Variants in TMEM163 observed in about 807,000 individuals in gnomAD.
TMEM163 encodes transmembrane protein 163.
Under a neutral mutation model 29.3 loss-of-function variants are expected in TMEM163, and 17 were observed. The observed-to-expected ratio is 0.58, with a 90% confidence interval of 0.40 to 0.87. The LOEUF is 0.87. Among genes scored for constraint, TMEM163 ranks in the 40% least tolerant of loss-of-function variants. The pLI is 0.00. For synonymous variants in TMEM163, 157 were observed against 160.6 expected, an observed-to-expected ratio of 0.98 and a Z score of 0.17; for missense variants, 303 against 381.5, an observed-to-expected ratio of 0.79 and a Z score of 1.71.
intron 2 of TMEM163, among the ~76,000 whole-genome samples, chr2:134,578,821 T>C (rs753103023): frequency 7.2e-5 from 11 of 152,018 alleles, no homozygotes; most frequent in Non-Finnish European, 1.6e-4. Flanking sequence ...AAGCAACAAT[T>C]TTCCAAGTGG....
At chr2:134,522,389 A>G (rs1289733140) in intron 4 of TMEM163, among the ~76,000 whole-genome samples, 1 of 152,254 alleles carries the variant, frequency 6.6e-6, no homozygotes, top group Non-Finnish European at 1.5e-5. Context: ...TTTATTTGAG[A>G]GAAGCCAGCT....
chr2:134,644,992 T>C (rs1419076944), intron 2 of TMEM163, among the ~76,000 whole-genome samples: 1 of 152,084 alleles, frequency 6.6e-6, no homozygotes, highest in East Asian at 1.9e-4. Flanking sequence ...GATATACAAA[T>C]GGCAAACAAG....
chr2:134,565,541 G>A (rs1392181106), intron 2 of TMEM163, among the ~76,000 whole-genome samples: 1 of 152,034 alleles, frequency 6.6e-6, no homozygotes, highest in African/African-American at 2.4e-5. Flanking sequence ...GGGAGGCAGA[G>A]GTTGCAGTGA....
intron 2 of TMEM163, among the ~76,000 whole-genome samples, chr2:134,648,016 G>A (rs189087232): frequency 5.3e-4 from 80 of 152,310 alleles, no homozygotes; most frequent in African/African-American, 1.8e-3. Flanking sequence ...GAGGGTCAGC[G>A]TGACAGCCTT....
chr2:134,543,104 G>A (rs921908759), intron 4 of TMEM163, among the ~76,000 whole-genome samples: 1 of 152,028 alleles, frequency 6.6e-6, no homozygotes, highest in Non-Finnish European at 1.5e-5. Flanking sequence ...TATCTTTTAC[G>A]GGGACACAAT....
In TMEM163 at chr2:134,687,886, C is replaced by T. The variant is rs561080137; in HGVS notation, c.322+25314G>A. Among the ~76,000 whole-genome samples, 3 of 152,258 alleles carry T rather than the reference C, an allele frequency of 2.0e-5. No homozygotes were observed. In the South Asian group the frequency reaches 6.2e-4, roughly 32 times the overall value. On this transcript the variant is annotated intron_variant, in intron 2 of 7. Coordinates refer to ENST00000281924, the MANE Select transcript of TMEM163 (RefSeq NM_030923.5). ...AATTATTGGTTGCCAACAGCACCCA[C>T]CAACTCTAATTAACAAACAGAAAAG...
chr2:134,609,938 G>A (rs1682460207), intron 2 of TMEM163, among the ~76,000 whole-genome samples: 1 of 152,166 alleles, frequency 6.6e-6, no homozygotes, highest in Non-Finnish European at 1.5e-5. Flanking sequence ...AAGGGCTGAG[G>A]AAAGGTTTTA....
chr2:134,618,444 T>C, intron 2 of TMEM163, among the ~76,000 whole-genome samples: 1 of 152,122 alleles, frequency 6.6e-6, no homozygotes, highest in Admixed American at 6.5e-5. Context: ...AAATAGATAA[T>C]TCAACAATAA....
intron 2 of TMEM163, among the ~76,000 whole-genome samples, chr2:134,670,873 A>G (rs1683980712): frequency 6.6e-6 from 1 of 152,180 alleles, no homozygotes; most frequent in South Asian, 2.1e-4. Context: ...ACACCACATA[A>G]GTGCTTGCAT....
At chr2:134,571,470 G>GA (rs1010794557) in intron 2 of TMEM163, among the ~76,000 whole-genome samples, 53 of 149,096 alleles carry the variant, frequency 3.6e-4, no homozygotes, top group Non-Finnish European at 5.1e-4. Flanking sequence ...TTTTTACTCC[G>GA]AAAAAAAAAA....
At chr2:134,459,741 C>T (rs1686491179) in intron 6 of TMEM163, among the ~76,000 whole-genome samples, 1 of 151,652 alleles carries the variant, frequency 6.6e-6, no homozygotes, top group East Asian at 2.0e-4. Context: ...CCTAGCCCCA[C>T]ACCCCCCTCC....
chr2:134,574,191 A>G (rs1681495926), intron 2 of TMEM163, among the ~76,000 whole-genome samples: 1 of 152,238 alleles, frequency 6.6e-6, no homozygotes, highest in Admixed American at 6.5e-5. Flanking sequence ...CTATAAAAAT[A>G]AGATTTGCAA....
chr2:134,500,124 C>G (rs776661969), intron 5 of TMEM163, among the ~76,000 whole-genome samples: 7 of 152,226 alleles, frequency 4.6e-5, no homozygotes, highest in Non-Finnish European at 7.3e-5. Context: ...CCAGGCCCTT[C>G]ATCCAAGTGC....
chr2:134,657,400 A>C (rs7424601), intron 2 of TMEM163, among the ~76,000 whole-genome samples: 22,765 of 152,206 alleles, frequency 0.15, 2,515 homozygotes, highest in African/African-American at 0.31. Context: ...AACATGCATA[A>C]AGCTAGAGAC....
intron 2 of TMEM163, among the ~76,000 whole-genome samples, chr2:134,556,362 A>C (rs1442680614): frequency 1.3e-5 from 2 of 152,252 alleles, no homozygotes; most frequent in African/African-American, 4.8e-5. Context: ...TTAATGCGTA[A>C]GAAATGGAAA....
At chr2:134,586,024 C>G (rs1681815590) in intron 2 of TMEM163, among the ~76,000 whole-genome samples, 1 of 152,106 alleles carries the variant, frequency 6.6e-6, no homozygotes, top group Admixed American at 6.5e-5. Flanking sequence ...GAATGAAGAG[C>G]AAGCAAGGCT....
intron 6 of TMEM163, among the ~76,000 whole-genome samples, chr2:134,463,933 T>G (rs373269360): frequency 6.6e-6 from 1 of 152,200 alleles, no homozygotes; most frequent in African/African-American, 2.4e-5. Flanking sequence ...GGGCTTCATC[T>G]GGAGCTTGAG....
intron 2 of TMEM163, among the ~76,000 whole-genome samples, chr2:134,589,298 C>T (rs563203129): frequency 6.6e-6 from 1 of 152,296 alleles, no homozygotes; most frequent in South Asian, 2.1e-4. Context: ...AAAAATAAGG[C>T]TGAGACCCAC....
intron 2 of TMEM163, among the ~76,000 whole-genome samples, chr2:134,617,574 C>T (rs952220860): frequency 4.7e-5 from 7 of 150,154 alleles, no homozygotes; most frequent in African/African-American, 7.4e-5. Flanking sequence ...TGCACTCCAG[C>T]CTGGGCAAAA....
Sources: allele counts gnomAD v4.1 joint callset (sites outside exome capture counted in the v4.1 genomes callset), GRCh38; gene constraint gnomAD v4.1.1; transcripts MANE v1.5; gene names NCBI Gene and HGNC (gene_info 2026-07-23, HGNC 2026-07-21).